LRRC38: variants seen among roughly 807,000 people sequenced by gnomAD.
LRRC38 encodes the protein leucine-rich repeat-containing protein 38.
Under a neutral mutation model 16.4 loss-of-function variants are expected in LRRC38, and 5 were observed. The ratio of observed to expected loss-of-function variants is 0.31; its 90% CI spans 0.16 to 0.64. The LOEUF (loss-of-function observed/expected upper bound fraction) is 0.64, where lower values mean the gene tolerates loss of function less well. LRRC38 is among the 30% of genes least tolerant of loss of function. LRRC38 has a pLI of 0.80. For missense variants in LRRC38, 341 were observed against 401.8 expected (o/e 0.85, Z 1.29); for synonymous variants, 191 against 190.2 (o/e 1.00, Z -0.04).
intron 1 of LRRC38, among the ~76,000 whole-genome samples, chr1:13,489,211 TC>T (rs1370653491): frequency 6.6e-6 from 1 of 152,044 alleles, no homozygotes; most frequent in East Asian, 1.9e-4. Flanking sequence ...AGCTTACTAC[TC>T]CCCATCACTC....
At chr1:13,492,407 A>G (rs1431693633) in intron 1 of LRRC38, among the ~76,000 whole-genome samples, 1 of 152,124 alleles carries the variant, frequency 6.6e-6, no homozygotes, top group Admixed American at 6.6e-5. Flanking sequence ...CATTCTTAAA[A>G]AAAGGATTTT....
rs1052561689 is a variant in LRRC38 at position 13,487,689 on chromosome 1, A to C, written c.632-11590T>G. Among the ~76,000 whole-genome samples, 1 of 152,082 alleles carries C rather than the reference A, an allele frequency of 6.6e-6. No individual in the cohort carries two copies. The highest frequency in any genetic ancestry group is 2.4e-5 in the African/African-American group (1 of 41,426). On this transcript the variant is annotated intron_variant, in intron 1 of 1. Transcript: ENST00000376085. The surrounding 1 kb of genome is among the most constrained non-coding windows in gnomAD (Gnocchi z 4.4). The stretch of plus-strand genomic sequence containing the variant: ...CCAGCAGCTGACACCTGAGCTGGAG[A>C]GGGTGAAGAGCTGCCATTCTCCAGA...
chr1:13,505,772 T>C (rs1639204884), intron 1 of LRRC38, among the ~76,000 whole-genome samples: 1 of 151,978 alleles, frequency 6.6e-6, no homozygotes, highest in Non-Finnish European at 1.5e-5. Context: ...GACCTGGTGA[T>C]GAGGAAGATC....
In LRRC38 at chr1:13,476,065, C is replaced by T. The variant is rs1638784851; in HGVS notation, c.666G>A (p.Glu222=). The T allele has an allele frequency of 6.4e-7, 1 of 1,550,400 alleles. No individual in the cohort carries two copies. The highest frequency in any genetic ancestry group is 2.0e-5 in the Admixed American group (1 of 50,952). Residue 222 remains glutamate (E), a synonymous_variant, in exon 2 of 2, where the codon GAG becomes GAA. Transcript: ENST00000376085. ...LDEIQCSLPM[E]SRRISLRELS... The stretch of plus-strand genomic sequence containing the variant: ...GCTCACGCAGGGATATCCTCCTGCT[C>T]TCCATGGGCAGGGAGCACTGGATTT...
chr1:13,509,118 A>G (rs1275520557), intron 1 of LRRC38, among the ~76,000 whole-genome samples: 1 of 152,088 alleles, frequency 6.6e-6, no homozygotes, highest in Non-Finnish European at 1.5e-5. Flanking sequence ...TCACAGACCC[A>G]AGGCATGACA....
chr1:13,495,698 G>C (rs899663513), intron 1 of LRRC38, among the ~76,000 whole-genome samples: 1 of 152,094 alleles, frequency 6.6e-6, no homozygotes, highest in African/African-American at 2.4e-5. Flanking sequence ...GTGGTCATTT[G>C]GACTCTGCTT....
Position 13,476,062 on chromosome 1 carries a change from G to C in LRRC38, c.669C>G (p.Ser223Arg). 6.4e-7 allele frequency: 1 copy of C among 1,550,568 alleles called. No homozygotes were observed. Among genetic ancestry groups the C allele is most frequent in the East Asian group, 2.4e-5 (1 of 40,902 alleles). The stretch of plus-strand genomic sequence containing the variant: ...ACAGCTCACGCAGGGATATCCTCCT[G>C]CTCTCCATGGGCAGGGAGCACTGGA... ...DEIQCSLPME[S>R]RRISLRELSE... The change falls in exon 2 of 2, where the codon AGC becomes AGG. Residue 223 changes from serine to arginine, a missense_variant. Coordinates refer to ENST00000376085, the MANE Select transcript of LRRC38 (RefSeq NM_001010847.2).
intron 1 of LRRC38, among the ~76,000 whole-genome samples, chr1:13,488,309 C>T (rs1437279408): frequency 1.3e-5 from 2 of 151,154 alleles, no homozygotes; most frequent in African/African-American, 4.9e-5. Context: ...TGCTCTGTCG[C>T]CCAGGCTGGA....
intron 1 of LRRC38, among the ~76,000 whole-genome samples, chr1:13,509,362 C>T (rs1639249575): frequency 6.6e-6 from 1 of 152,180 alleles, no homozygotes; most frequent in Non-Finnish European, 1.5e-5. Context: ...CTGTGATACA[C>T]TCCCAGGCAT....
intron 1 of LRRC38, among the ~76,000 whole-genome samples, chr1:13,500,392 T>C (rs354572): frequency 0.97 from 148,133 of 152,334 alleles, 72,109 homozygotes; most frequent in Non-Finnish European, 0.98. Context: ...TCATATGAGA[T>C]GAATGCCCAT....
intron 1 of LRRC38, among the ~76,000 whole-genome samples, chr1:13,504,765 A>ACGGG (rs1639190699): frequency 1.3e-5 from 1 of 77,666 alleles, no homozygotes; most frequent in African/African-American, 6.2e-5. Flanking sequence ...AGGGGAGGGG[A>ACGGG]AGGGAGGGAA....
chr1:13,495,598 G>C (rs1320938629), intron 1 of LRRC38, among the ~76,000 whole-genome samples: 1 of 151,976 alleles, frequency 6.6e-6, no homozygotes, highest in Non-Finnish European at 1.5e-5. Flanking sequence ...GCAGAACCAG[G>C]ATAGGAACGC....
Position 13,487,673 on chromosome 1 carries a change from G to A in LRRC38, c.632-11574C>T, listed in dbSNP as rs563075861. On this transcript the variant is annotated intron_variant, in intron 1 of 1. Coordinates refer to ENST00000376085, the MANE Select transcript of LRRC38 (RefSeq NM_001010847.2). The surrounding 1 kb of genome is among the most constrained non-coding windows in gnomAD (Gnocchi z 4.4). ...GAGTGATGACTTCTCCCCAGCAGCTGACACCTGAGCTGGAGAGGGTGAAGA... is the reference window on the plus strand; with the variant it reads ...GAGTGATGACTTCTCCCCAGCAGCTAACACCTGAGCTGGAGAGGGTGAAGA... 1.3e-5 allele frequency among the ~76,000 whole-genome samples: 2 copies of A among 152,310 alleles called. No individual in the cohort carries two copies. Among genetic ancestry groups the A allele is most frequent in the East Asian group, 3.9e-4 (2 of 5,172 alleles).
intron 1 of LRRC38, among the ~76,000 whole-genome samples, chr1:13,494,396 GACT>G (rs1414845284): frequency 2.2e-4 from 29 of 130,116 alleles, no homozygotes; most frequent in Middle Eastern, 3.9e-3. Flanking sequence ...CACTGTGCTA[GACT>G]TTTTTTTTTT....
intron 1 of LRRC38, among the ~76,000 whole-genome samples, chr1:13,488,022 TTGTGTGTGTTTGTGTGTGTGTGTGTG>T (rs1235565787): frequency 1.0e-5 from 1 of 95,792 alleles, no homozygotes; most frequent in Admixed American, 1.0e-4. Flanking sequence ...CTTTTCTAGA[TTGTGTGTGTTTGTGTGTGTGTGTGTG>T]TGTGTGTGTG....
intron 1 of LRRC38, among the ~76,000 whole-genome samples, chr1:13,479,819 T>C (rs536482493): frequency 6.6e-6 from 1 of 152,302 alleles, no homozygotes; most frequent in African/African-American, 2.4e-5. Context: ...ACAAAGGCTG[T>C]GAAGCCAACA....
At chr1:13,504,550 G>A (rs1427519470) in intron 1 of LRRC38, among the ~76,000 whole-genome samples, 5 of 151,696 alleles carry the variant, frequency 3.3e-5, no homozygotes, top group East Asian at 1.9e-4. Flanking sequence ...GCAAAACCCC[G>A]TCTCTACTAA....
intron 1 of LRRC38, among the ~76,000 whole-genome samples, chr1:13,481,510 G>A (rs1377810566): frequency 2.0e-5 from 3 of 151,596 alleles, no homozygotes; most frequent in Admixed American, 2.0e-4. Context: ...TCCTTCCTCA[G>A]CCTCCAGAGT....
At chr1:13,506,969 C>G (rs1392898428) in intron 1 of LRRC38, among the ~76,000 whole-genome samples, 1 of 152,236 alleles carries the variant, frequency 6.6e-6, no homozygotes, top group Non-Finnish European at 1.5e-5. Context: ...CAAACCAAAT[C>G]CCCTCCTGGG....
Sources: gnomAD v4.1 joint callset for allele counts (sites outside exome capture counted in the v4.1 genomes callset) on GRCh38, gnomAD v4.1.1 for gene constraint, Gnocchi (gnomAD v3.1) non-coding constraint, MANE v1.5 for transcripts, NCBI Gene and HGNC (gene_info 2026-07-23, HGNC 2026-07-21) for gene names.